The following CIITA variants were observed in gnomAD, a reference collection of about 807,000 sequenced individuals.
CIITA encodes the protein class II major histocompatibility complex transactivator.
A neutral mutation model predicts 115.1 loss-of-function variants in CIITA; 72 were observed. The ratio of observed to expected loss-of-function variants is 0.63; its 90% CI spans 0.52 to 0.76. The LOEUF (loss-of-function observed/expected upper bound fraction) is 0.76. CIITA is among the 30% of genes least tolerant of loss of function. CIITA has a pLI of 0.00. For synonymous variants in CIITA, 763 were observed against 635.6 expected, an observed-to-expected ratio of 1.20 and a Z score of -3.02; for missense variants, 1,617 against 1,463.8, an observed-to-expected ratio of 1.10 and a Z score of -1.71.
At chr16:10,894,567 G>C (rs1446561833) in intron 1 of CIITA, among the ~76,000 whole-genome samples, 1 of 152,104 alleles carries the variant, frequency 6.6e-6, no homozygotes, top group South Asian at 2.1e-4. Flanking sequence ...GGATATTTGA[G>C]GTATCCACAT....
chr16:10,931,782 T>C lies in CIITA; in HGVS notation c.*7927T>C, dbSNP rs1452436184. ...GGCAGGTGCCTGAGGTCCCAGCTAC[T>C]CGGGAGGCTGAGGCAGAAGAATCGC... On this transcript the variant is annotated 3_prime_UTR_variant, in exon 20 of 20. Transcript: ENST00000324288. 1 of 152,244 alleles carries C rather than the reference T, an allele frequency of 6.6e-6. No homozygotes were observed. Among genetic ancestry groups the C allele is most frequent in the Non-Finnish European group, 1.5e-5 (1 of 68,100 alleles). The allele number at this position is 152,244 out of a possible 1,614,324, so 9.4% of individuals were successfully genotyped here.
upstream of CIITA, among the ~76,000 whole-genome samples, chr16:10,873,732 G>A (rs754808896): frequency 6.6e-5 from 10 of 152,102 alleles, no homozygotes; most frequent in East Asian, 1.9e-4. Context: ...CTTGCCAGGG[G>A]ACCCCAGCAT....
intron 7 of CIITA, 64 bp from the exon 8 acceptor site, chr16:10,902,594 A>C (rs545529593): frequency 6.6e-5 from 106 of 1,607,402 alleles, no homozygotes; most frequent in Middle Eastern, 5.0e-4. Context: ...TCAAATAAGC[A>C]AAAGCAGAAT....
At chr16:10,870,314 A>T (rs1298728388) in intron 1 of CIITA, among the ~76,000 whole-genome samples, 1 of 152,092 alleles carries the variant, frequency 6.6e-6, no homozygotes, top group Non-Finnish European at 1.5e-5. Flanking sequence ...CCCTTCAGAT[A>T]TTGCAGTGCC....
rs761139192 is a variant in CIITA, at chr16:10,922,234, T to A, written c.3217T>A (p.Ser1073Thr). Residue 1073 changes from serine to threonine, a missense_variant, in exon 17 of 20, where the codon TCC (serine) becomes ACC (threonine). Transcript: ENST00000324288. ...SLARVLPDMV[S>T]LRVMDVQYNK... ...GGCTCGTGTGCTTCCGGACATGGTG[T>A]CCCTCCGGGTGATGGAGTGAGTGTG... 25 of 1,614,042 alleles carry A rather than the reference T, an allele frequency of 1.5e-5. No homozygotes were observed. In the Admixed American group the frequency reaches 3.8e-4, roughly 25 times the overall value.
chr16:10,885,025 G>T (rs1198294626), intron 1 of CIITA, among the ~76,000 whole-genome samples: 1 of 151,884 alleles, frequency 6.6e-6, no homozygotes, highest in African/African-American at 2.4e-5. Flanking sequence ...AATACCAAAG[G>T]GGCCATAATG....
Position 10,941,700 on chromosome 16 carries a change from G to A in CIITA, n.826G>A. 6.3e-7 allele frequency: 1 copy of A among 1,592,884 alleles called. No homozygotes were observed. The highest frequency in any genetic ancestry group is 8.6e-7 in the Non-Finnish European group (1 of 1,168,520). ...GGTTGCGGATCGTGTAGGGAAGAGG[G>A]GAACAGCAGTCGAGACCCTACTCCA... On this transcript the variant is annotated non_coding_transcript_exon_variant, in exon 2 of 2. Transcript: ENST00000573379. The surrounding 1 kb of genome is among the most constrained non-coding windows in gnomAD (Gnocchi z 6.4).
chr16:10,914,105 C>T (rs2039785318), intron 13 of CIITA, among the ~76,000 whole-genome samples: 1 of 152,144 alleles, frequency 6.6e-6, no homozygotes, highest in Admixed American at 6.6e-5. Context: ...CCTGGAATGT[C>T]AGCACCCAGA....
intron 1 of CIITA, among the ~76,000 whole-genome samples, chr16:10,868,198 C>T (rs1479302890): frequency 2.0e-5 from 3 of 152,168 alleles, no homozygotes; most frequent in Non-Finnish European, 4.4e-5. Flanking sequence ...TCTTACTTCT[C>T]CCTTGACCTT....
chr16:10,884,589 A>G (rs2143789217), intron 1 of CIITA, among the ~76,000 whole-genome samples: 1 of 152,070 alleles, frequency 6.6e-6, no homozygotes, highest in East Asian at 1.9e-4. Flanking sequence ...TAATTTTTGT[A>G]TCTTTTATTT....
In CIITA at chr16:10,915,648, G is replaced by C; in HGVS notation, c.2967G>C (p.Leu989=). The C allele has an allele frequency of 6.2e-7, 1 of 1,613,570 alleles. No individual in the cohort carries two copies. The highest frequency in any genetic ancestry group is 2.2e-5 in the East Asian group (1 of 44,872). The part of the protein sequence containing the change: ...ILTAFSSLQH[L]DLDALSENKI... Reference sequence around the variant, plus strand: ...CGGCCTTTTCCTCCCTGCAGCATCTGGAGTGAGTATAGACTCTGGGACCCC... The same window carrying C: ...CGGCCTTTTCCTCCCTGCAGCATCTCGAGTGAGTATAGACTCTGGGACCCC... Residue 989 remains leucine (L), a splice_region_variant and synonymous_variant, in exon 14 of 20, where the codon CTG becomes CTC. Transcript: ENST00000324288.
rs7197779 is a variant in CIITA at position 10,909,070 on chromosome 16, A to G, written c.2699A>G (p.Gln900Arg). Residue 900 changes from glutamine to arginine, a missense_variant, in exon 12 of 20, where the codon CAG becomes CGG. Transcript: ENST00000324288. ...SDTVALWESL[Q>R]QHGETKLLQA... ...ACGGTGGCGCTGTGGGAGTCCCTGC[A>G]GCAGCATGGGGAGACCAAGCTACTT... is the stretch of plus-strand genomic sequence containing the variant. 1,594,406 of 1,614,164 alleles carry G rather than the reference A, an allele frequency of 0.99. 789,429 individuals are homozygous for G. The highest frequency in any genetic ancestry group is 1 in the East Asian group (44,888 of 44,888).
chr16:10,869,246 C>CA (rs1470946642), intron 1 of CIITA, among the ~76,000 whole-genome samples: 1 of 152,230 alleles, frequency 6.6e-6, no homozygotes, highest in Non-Finnish European at 1.5e-5. Context: ...TCCCTGCTCT[C>CA]ATCCCCTACT....
intron 1 of CIITA, among the ~76,000 whole-genome samples, chr16:10,884,930 G>A (rs1258620759): frequency 1.3e-5 from 2 of 152,058 alleles, no homozygotes. Flanking sequence ...ATTGAATCCT[G>A]CCTCTCCCTG....
chr16:10,894,356 A>AT (rs1363651993), intron 1 of CIITA, among the ~76,000 whole-genome samples: 1 of 151,834 alleles, frequency 6.6e-6, no homozygotes, highest in Non-Finnish European at 1.5e-5. Context: ...TTATCCATTT[A>AT]TTTTTTGGTG....
chr16:10,895,364 G>A lies in CIITA; in HGVS notation c.135G>A (p.Leu45=). 1.2e-6 allele frequency: 2 copies of A among 1,614,118 alleles called. No homozygotes were observed. The highest frequency in any genetic ancestry group is 1.7e-6 in the Non-Finnish European group (2 of 1,180,020). ...TTCTTAACAGCGATGCTGACCCCCT[G>A]TGCCTCTACCACTTCTATGACCAGA... The part of the protein sequence containing the change: ...LELLNSDADP[L]CLYHFYDQMD... The change falls in exon 2 of 20, where the codon CTG becomes CTA. Residue 45 remains leucine (L), a synonymous_variant. Coordinates refer to ENST00000324288, the MANE Select transcript of CIITA (RefSeq NM_000246.4).
chr16:10,894,115 G>A (rs765760488), intron 1 of CIITA, among the ~76,000 whole-genome samples: 6 of 152,154 alleles, frequency 3.9e-5, no homozygotes, highest in Non-Finnish European at 8.8e-5. Context: ...GCCTCCCAAA[G>A]TGCTGGGATT....
chr16:10,880,066 C>T (rs1176866381), intron 1 of CIITA, among the ~76,000 whole-genome samples: 1 of 152,216 alleles, frequency 6.6e-6, no homozygotes, highest in Non-Finnish European at 1.5e-5. Context: ...GGTACTTCTT[C>T]CTCTTGGAGA....
chr16:10,903,288 C>T (rs935833146), intron 8 of CIITA, among the ~76,000 whole-genome samples: 1 of 152,142 alleles, frequency 6.6e-6, no homozygotes, highest in East Asian at 1.9e-4. Context: ...GGGGTTGTGA[C>T]TTGTCTCAGG....
Sources: gnomAD v4.1 joint callset for allele counts (sites outside exome capture counted in the v4.1 genomes callset) on GRCh38, gnomAD v4.1.1 for gene constraint, Gnocchi (gnomAD v3.1) non-coding constraint, MANE v1.5 for transcripts, NCBI Gene and HGNC (gene_info 2026-07-23, HGNC 2026-07-21) for gene names.